Variants in GABRB1 observed in about 807,000 individuals in gnomAD.
The protein encoded by GABRB1 is gamma-aminobutyric acid type A receptor subunit beta1.
Under a neutral mutation model 51.6 loss-of-function variants are expected in GABRB1, and 17 were observed. The observed-to-expected ratio is 0.33, with a 90% CI of 0.23 to 0.49. The LOEUF (loss-of-function observed/expected upper bound fraction) is 0.49, where lower values mean the gene tolerates loss of function less well. GABRB1 is among the 20% of genes least tolerant of loss of function. GABRB1 has a pLI of 0.99. For synonymous variants in GABRB1, 247 were observed against 218.9 expected (o/e 1.13, Z -1.14); for missense variants, 410 against 600.6 (o/e 0.68, Z 3.32).
chr4:47,416,378 A>G (rs533923126), intron 8 of GABRB1, among the ~76,000 whole-genome samples: 2 of 152,300 alleles, frequency 1.3e-5, no homozygotes, highest in Admixed American at 6.5e-5. Context: ...TTTGGAATTC[A>G]TTCTATGTCT....
chr4:47,014,429 T>C (rs1442121246), intron 1 of GABRB1, among the ~76,000 whole-genome samples: 1 of 152,198 alleles, frequency 6.6e-6, no homozygotes, highest in Admixed American at 6.5e-5. Flanking sequence ...ATAAGCACTA[T>C]TGACATCTTC....
intron 4 of GABRB1, among the ~76,000 whole-genome samples, chr4:47,268,763 T>C (rs1227367437): frequency 6.6e-6 from 1 of 152,292 alleles, no homozygotes; most frequent in East Asian, 1.9e-4. Context: ...CTTATTACTA[T>C]CAGCTAGCTG....
At chr4:47,148,630 A>T (rs986521567) in intron 3 of GABRB1, among the ~76,000 whole-genome samples, 1 of 151,684 alleles carries the variant, frequency 6.6e-6, no homozygotes, top group African/African-American at 2.4e-5. Flanking sequence ...AAATTATTCC[A>T]CTCCCCATAT....
intron 3 of GABRB1, among the ~76,000 whole-genome samples, chr4:47,095,886 G>A (rs1410979194): frequency 6.6e-6 from 1 of 152,088 alleles, no homozygotes; most frequent in South Asian, 2.1e-4. Context: ...TTTATCTTGG[G>A]CATTAAAAAC....
At chr4:47,062,210 C>T (rs2109529277) in intron 3 of GABRB1, among the ~76,000 whole-genome samples, 1 of 152,082 alleles carries the variant, frequency 6.6e-6, no homozygotes, top group East Asian at 1.9e-4. Flanking sequence ...TGAAATCAGA[C>T]AGGGTCATTT....
At chr4:47,107,506 T>C (rs1715017767) in intron 3 of GABRB1, among the ~76,000 whole-genome samples, 1 of 152,088 alleles carries the variant, frequency 6.6e-6, no homozygotes, top group Admixed American at 6.6e-5. Context: ...TTGTTTTCAG[T>C]ACAACAATAA....
intron 4 of GABRB1, among the ~76,000 whole-genome samples, chr4:47,268,892 CA>C (rs1722747821): frequency 1.3e-5 from 2 of 152,096 alleles, no homozygotes; most frequent in Non-Finnish European, 2.9e-5. Flanking sequence ...CAAAACTCTT[CA>C]AAAACAAAGC....
chr4:47,002,216 T>C (rs1303788475), intron 1 of GABRB1, among the ~76,000 whole-genome samples: 1 of 152,212 alleles, frequency 6.6e-6, no homozygotes, highest in Non-Finnish European at 1.5e-5. Context: ...AAACTCTTTT[T>C]AAAAACATAG....
At chr4:47,041,681 C>T (rs560200347) in intron 3 of GABRB1, among the ~76,000 whole-genome samples, 163 of 152,126 alleles carry the variant, frequency 1.1e-3, no homozygotes, top group Non-Finnish European at 1.4e-3. Flanking sequence ...CCATGACTCA[C>T]GGAGATATTT....
At chr4:47,290,211 A>G (rs947972218) in intron 4 of GABRB1, among the ~76,000 whole-genome samples, 1 of 152,154 alleles carries the variant, frequency 6.6e-6, no homozygotes, top group Non-Finnish European at 1.5e-5. Flanking sequence ...GTGGGAGGTA[A>G]TTGAATCATG....
chr4:47,248,513 G>T (rs1312676490), intron 4 of GABRB1, among the ~76,000 whole-genome samples: 1 of 152,018 alleles, frequency 6.6e-6, no homozygotes, highest in Non-Finnish European at 1.5e-5. Flanking sequence ...GGTGATGCTG[G>T]CTTCATAGAA....
intron 3 of GABRB1, among the ~76,000 whole-genome samples, chr4:47,138,914 AGCC>A (rs1458029868): frequency 6.6e-6 from 1 of 152,070 alleles, no homozygotes; most frequent in East Asian, 1.9e-4. Flanking sequence ...AAATGTTTAA[AGCC>A]TGACTAATTC....
Position 47,215,245 on chromosome 4 carries a change from T to C in GABRB1, c.461+53776T>C, listed in dbSNP as rs188058636. Reference sequence around the variant, plus strand: ...TCTGATGAAGGTGAAGTGCATGTTTTATAAGCTTGAGTCCTAGATGTTTTA... The same window carrying C: ...TCTGATGAAGGTGAAGTGCATGTTTCATAAGCTTGAGTCCTAGATGTTTTA... On this transcript the variant is annotated intron_variant, in intron 4 of 8. Transcript: ENST00000295454. Among the ~76,000 whole-genome samples, 114 of 152,246 alleles carry C rather than the reference T, an allele frequency of 7.5e-4. 1 individual carries two copies. The highest frequency in any genetic ancestry group is 2.3e-3 in the African/African-American group (95 of 41,574).
At chr4:47,235,290 G>T (rs533834709) in intron 4 of GABRB1, among the ~76,000 whole-genome samples, 2 of 152,218 alleles carry the variant, frequency 1.3e-5, no homozygotes, top group East Asian at 3.9e-4. Context: ...GGTGGATCAC[G>T]CCTATAATCC....
At chr4:47,402,839 T>A (rs979687866) in intron 5 of GABRB1, among the ~76,000 whole-genome samples, 2 of 151,816 alleles carry the variant, frequency 1.3e-5, no homozygotes, top group African/African-American at 4.8e-5. Context: ...TAGTTTTTAA[T>A]GTCTTAATCA....
Position 47,056,639 on chromosome 4 carries a change from G to C in GABRB1, c.240+24155G>C, listed in dbSNP as rs551360569. 2.6e-5 allele frequency among the ~76,000 whole-genome samples: 4 copies of C among 152,154 alleles called. No homozygotes were observed. The East Asian group carries it at 5.8e-4, about 22-fold the overall frequency. ...AAAGACTCAAGCCTGGGCCTAAATT[G>C]CTGGGAACGTTGCTGGTCAAAAATT... is the stretch of plus-strand genomic sequence containing the variant. On this transcript the variant is annotated intron_variant, in intron 3 of 8. Transcript: ENST00000295454.
chr4:47,002,137 A>T (rs1205071349), intron 1 of GABRB1, among the ~76,000 whole-genome samples: 1 of 152,246 alleles, frequency 6.6e-6, no homozygotes, highest in Admixed American at 6.5e-5. Context: ...TTCTCACTAT[A>T]GAGATTTTGG....
chr4:47,071,860 A>G (rs756662192), intron 3 of GABRB1, among the ~76,000 whole-genome samples: 1 of 152,056 alleles, frequency 6.6e-6, no homozygotes, highest in Admixed American at 6.6e-5. Flanking sequence ...TACATATGTA[A>G]CCTATTTTTT....
At chr4:47,338,449 T>C (rs1725774677) in intron 5 of GABRB1, among the ~76,000 whole-genome samples, 1 of 152,240 alleles carries the variant, frequency 6.6e-6, no homozygotes. Context: ...ATTAGATCAT[T>C]GACCAGTAAC....
Sources: allele counts gnomAD v4.1 joint callset (sites outside exome capture counted in the v4.1 genomes callset), GRCh38; gene constraint gnomAD v4.1.1; transcripts MANE v1.5; gene names NCBI Gene and HGNC (gene_info 2026-07-23, HGNC 2026-07-21).